Variants in ARHGEF38 observed in about 807,000 individuals in gnomAD.
ARHGEF38 encodes Rho guanine nucleotide exchange factor 38.
In ARHGEF38, 79 loss-of-function variants were observed where a neutral mutation model predicts 79.9. The observed-to-expected ratio is 0.99, with a 90% CI of 0.82 to 1.19. The LOEUF (loss-of-function observed/expected upper bound fraction) is 1.19, where lower values mean the gene tolerates loss of function less well. Ranked by LOEUF, ARHGEF38 falls within the 50% of genes most tolerant of loss-of-function variation. The pLI, the probability that ARHGEF38 is intolerant of heterozygous loss-of-function variation, is 0.00. For synonymous variants in ARHGEF38, 366 were observed against 328.3 expected (o/e 1.11, Z -1.24); for missense variants, 962 against 907.2 (o/e 1.06, Z -0.78).
intron 6 of ARHGEF38, 132 bp from the exon 7 acceptor site, chr4:105,648,417 T>C (rs144962205): frequency 2.6e-6 from 2 of 779,526 alleles, no homozygotes; most frequent in African/African-American, 3.5e-5. Flanking sequence ...GCATATGGCC[T>C]CTGCAGCAGA....
intron 3 of ARHGEF38, among the ~76,000 whole-genome samples, chr4:105,616,758 C>A (rs1728527684): frequency 6.6e-6 from 1 of 152,094 alleles, no homozygotes; most frequent in Non-Finnish European, 1.5e-5. Context: ...CTATCATTGA[C>A]CATAGACAAT....
At position 105,679,122 on chromosome 4, in the gene ARHGEF38, C is replaced by T. The variant is rs983762693; in HGVS notation, c.*1185C>T. On this transcript the variant is annotated 3_prime_UTR_variant, in exon 14 of 14. Transcript: ENST00000420470. ...TCCACTTCGTCTTCTACCATCTTGC[C>T]GACTTTCCTGAGCAACTGCTTTGTC... 34 of 610,320 alleles carry T rather than the reference C, an allele frequency of 5.6e-5. 1 individual carries two copies. Among genetic ancestry groups the T allele is most frequent in the African/African-American group, 1.3e-4 (7 of 52,340 alleles). 37.8% of individuals were successfully genotyped at this position (610,320 alleles called of 1,614,324 possible).
chr4:105,553,747 T>G (rs1026000735), intron 1 of ARHGEF38, among the ~76,000 whole-genome samples: 1 of 152,188 alleles, frequency 6.6e-6, no homozygotes, highest in Non-Finnish European at 1.5e-5. Flanking sequence ...ATTTTGATGT[T>G]GATATTGGGC....
chr4:105,666,313 A>G lies in ARHGEF38; in HGVS notation c.1682A>G (p.Gln561Arg). ...KLSFEKKKPV[Q>R]ILPEMPHQTD... is the part of the protein sequence containing the mutation. ...AGTTTTGAAAAGAAGAAACCTGTGCAGATTCTGGTGAGTTTGGCAGCATTC... is the reference window on the plus strand; with the variant it reads ...AGTTTTGAAAAGAAGAAACCTGTGCGGATTCTGGTGAGTTTGGCAGCATTC... Residue 561 changes from glutamine (Q) to arginine (R), a missense_variant, in exon 11 of 14, where the codon CAG (glutamine) becomes CGG (arginine). Gln to Arg is a conservative substitution (Grantham distance 43, BLOSUM62 1). Transcript: ENST00000420470. The G allele has an allele frequency of 6.6e-7, 1 of 1,525,802 alleles. No homozygotes were observed. Among genetic ancestry groups the G allele is most frequent in the Non-Finnish European group, 8.7e-7 (1 of 1,143,428 alleles). 94.5% of individuals were successfully genotyped at this position (1,525,802 alleles called of 1,614,324 possible). A position where few individuals can be genotyped will look rare whatever the true frequency, so the allele number is the denominator to read the frequency against.
chr4:105,571,321 CTTTTTTTTTT>C (rs34707064), intron 1 of ARHGEF38, among the ~76,000 whole-genome samples: 1 of 89,752 alleles, frequency 1.1e-5, no homozygotes, highest in Non-Finnish European at 2.2e-5. Flanking sequence ...TTTTCTTTTT[CTTTTTTTTTT>C]TTTTTTTTTG....
intron 2 of ARHGEF38, among the ~76,000 whole-genome samples, chr4:105,593,821 T>C (rs146843344): frequency 1.3e-5 from 2 of 150,624 alleles, no homozygotes; most frequent in African/African-American, 2.5e-5. Flanking sequence ...TTATAAGCAG[T>C]TCTCAGAATT....
Position 105,646,533 on chromosome 4 carries a change from A to T in ARHGEF38, c.874+1146A>T, listed in dbSNP as rs758709826. 2.0e-5 allele frequency among the ~76,000 whole-genome samples: 3 copies of T among 152,188 alleles called. 1 individual carries two copies. In the South Asian group the frequency reaches 6.2e-4, roughly 32 times the overall value. ...AATCTCAATCTACAGGTGAGAATGT[A>T]CTTGGAATCACTAGTTTAGAGAACA... On this transcript the variant is annotated intron_variant, in intron 6 of 13. Coordinates refer to ENST00000420470, the MANE Select transcript of ARHGEF38 (RefSeq NM_001242729.2).
chr4:105,650,450 A>AT, intron 7 of ARHGEF38, among the ~76,000 whole-genome samples: 1 of 152,154 alleles, frequency 6.6e-6, no homozygotes, highest in Non-Finnish European at 1.5e-5. Context: ...GCAACTAGAG[A>AT]TTACCCCTAT....
chr4:105,562,174 C>T (rs1725665411), intron 1 of ARHGEF38, among the ~76,000 whole-genome samples: 1 of 152,116 alleles, frequency 6.6e-6, no homozygotes, highest in Admixed American at 6.5e-5. Flanking sequence ...TAATCAGTAT[C>T]CCAAAGTGGC....
intron 2 of ARHGEF38, among the ~76,000 whole-genome samples, chr4:105,598,345 A>C (rs1370573392): frequency 1.3e-5 from 2 of 152,174 alleles, no homozygotes; most frequent in Non-Finnish European, 2.9e-5. Flanking sequence ...ATAATTCCAA[A>C]GTAAAAGATG....
intron 13 of ARHGEF38, among the ~76,000 whole-genome samples, chr4:105,677,403 T>C (rs1316488948): frequency 6.6e-6 from 1 of 152,242 alleles, no homozygotes; most frequent in Non-Finnish European, 1.5e-5. Context: ...AACATTGTTA[T>C]GCAAAAATTT....
chr4:105,560,652 T>A (rs1051619866), intron 1 of ARHGEF38, among the ~76,000 whole-genome samples: 1 of 152,176 alleles, frequency 6.6e-6, no homozygotes, highest in African/African-American at 2.4e-5. Context: ...GATTAATGAA[T>A]CAGAGAATAA....
intron 3 of ARHGEF38, among the ~76,000 whole-genome samples, chr4:105,622,040 T>A (rs575830588): frequency 6.6e-6 from 1 of 152,066 alleles, no homozygotes; most frequent in African/African-American, 2.4e-5. Flanking sequence ...GGCTGTAACA[T>A]GGGGGTTGGA....
At chr4:105,631,165 C>T (rs1302843342) in intron 4 of ARHGEF38, 120 bp downstream of exon 4, 1 of 1,341,480 alleles carries the variant, frequency 7.5e-7, no homozygotes, top group Non-Finnish European at 9.5e-7. Context: ...TTGCTGGGAG[C>T]TCTGCTTTGC....
At chr4:105,672,976 A>C (rs770503193) in intron 13 of ARHGEF38, among the ~76,000 whole-genome samples, 14 of 152,104 alleles carry the variant, frequency 9.2e-5, no homozygotes, top group Non-Finnish European at 1.6e-4. Context: ...CTGGCTTCAA[A>C]TCTCTCCCTT....
chr4:105,639,799 G>A (rs1729545736), intron 5 of ARHGEF38, among the ~76,000 whole-genome samples: 1 of 151,814 alleles, frequency 6.6e-6, no homozygotes, highest in African/African-American at 2.4e-5. Flanking sequence ...TTAATATTGA[G>A]TATCATTAGT....
At chr4:105,622,031 G>A (rs1185173024) in intron 3 of ARHGEF38, among the ~76,000 whole-genome samples, 2 of 152,200 alleles carry the variant, frequency 1.3e-5, no homozygotes, top group Non-Finnish European at 2.9e-5. Context: ...CAGGTACCAG[G>A]CTGTAACATG....
At chr4:105,597,955 T>C (rs929876531) in intron 2 of ARHGEF38, among the ~76,000 whole-genome samples, 4 of 152,174 alleles carry the variant, frequency 2.6e-5, no homozygotes, top group African/African-American at 9.6e-5. Flanking sequence ...ATTTTACATG[T>C]AAGGATAAAA....
At chr4:105,668,401 G>T (rs1730835983) in intron 13 of ARHGEF38, among the ~76,000 whole-genome samples, 1 of 152,058 alleles carries the variant, frequency 6.6e-6, no homozygotes, top group Non-Finnish European at 1.5e-5. Flanking sequence ...GGTCAGACTG[G>T]TCTATACTGA....
Sources: allele counts gnomAD v4.1 joint callset (sites outside exome capture counted in the v4.1 genomes callset), GRCh38; gene constraint gnomAD v4.1.1; transcripts MANE v1.5; gene names NCBI Gene and HGNC (gene_info 2026-07-23, HGNC 2026-07-21).